The following OAS1 variants were observed in gnomAD, a reference collection of about 807,000 sequenced individuals.
The protein encoded by OAS1 is 2'-5'-oligoadenylate synthetase 1.
In OAS1, 24 loss-of-function variants were observed where a neutral mutation model predicts 38.5. The ratio of observed to expected loss-of-function variants is 0.62; its 90% CI spans 0.45 to 0.88. The LOEUF is 0.88. Ranked by LOEUF, OAS1 falls within the 40% of genes least tolerant of loss-of-function variation. The probability of loss-of-function intolerance (pLI) is 0.00; values close to 1 mark genes in which losing one functional copy is unlikely to be tolerated. For missense variants in OAS1, 482 were observed against 493.9 expected (o/e 0.98, Z 0.23); for synonymous variants, 169 against 193.9 (o/e 0.87, Z 1.07).
intron 2 of OAS1, among the ~76,000 whole-genome samples, chr12:112,910,383 G>C (rs183955886): frequency 1.3e-5 from 2 of 152,026 alleles, no homozygotes; most frequent in Admixed American, 1.3e-4. Context: ...AAAGAAAAAA[G>C]AAAAGAATAT....
In OAS1 at chr12:112,908,786, G is replaced by T. The variant is rs1421525386; in HGVS notation, c.431G>T (p.Gly144Val). ...CTGAGTTCGCTCCAGCTCGGGGAGG[G>T]GGTGGAGTTCGATGTGCTGCCTGCC... ...FVLSSLQLGE[G>V]VEFDVLPAFD... Residue 144 changes from glycine to valine, a missense_variant, in exon 2 of 6, where the codon GGG (glycine) becomes GTG (valine). By Grantham distance (109) the Gly-to-Val change is moderately radical (BLOSUM62 -3). Coordinates refer to ENST00000202917, the MANE Select transcript of OAS1 (RefSeq NM_016816.4). The T allele has an allele frequency of 6.2e-7, 1 of 1,608,178 alleles. No homozygotes were observed. The highest frequency in any genetic ancestry group is 1.1e-5 in the South Asian group (1 of 90,724).
chr12:112,907,209 A>T lies in OAS1; in HGVS notation c.170A>T (p.Lys57Met), dbSNP rs777080728. The change falls in exon 1 of 6, where the codon AAG becomes ATG. Residue 57 changes from lysine (K) to methionine (M), a missense_variant. Transcript: ENST00000202917. ...RGSSYPVCVS[K>M]VVKGGSSGKG... ...AGCTCCTACCCTGTGTGTGTGTCCA[A>T]GGTGGTAAAGGTGAGTCCAGGCCTG... The T allele has an allele frequency of 2.0e-5, 33 of 1,614,108 alleles. No individual in the cohort carries two copies. Among genetic ancestry groups the T allele is most frequent in the Non-Finnish European group, 2.8e-5 (33 of 1,179,982 alleles).
At position 112,931,585 on chromosome 12, in the gene OAS1, C is replaced by T. The variant is rs114442482; in HGVS notation, c.1168-293C>T. 2.6e-3 allele frequency among the ~76,000 whole-genome samples: 401 copies of T among 152,300 alleles called. 2 individuals carry two copies. Among genetic ancestry groups the T allele is most frequent in the African/African-American group, 8.3e-3 (343 of 41,574 alleles). ...ATGAGGAAACAGGCTCAGAAGAGGG[C>T]GCTCATTTGCTCATGTGGTACAGAT... On this transcript the variant is annotated intron_variant, in intron 6 of 6. Transcript: ENST00000540589.
At chr12:112,922,481 C>T (rs575472237), downstream of OAS1, among the ~76,000 whole-genome samples, 2 of 152,250 alleles carry the variant, frequency 1.3e-5, no homozygotes, top group South Asian at 4.2e-4. Flanking sequence ...CCCCTGGCTG[C>T]CCCTCCAACC....
intron 4 of OAS1, 150 bp downstream of exon 4, chr12:112,916,888 A>G: frequency 1.5e-6 from 1 of 649,996 alleles, no homozygotes; most frequent in Non-Finnish European, 2.7e-6. Flanking sequence ...TACTACTGCC[A>G]TCTGTTTTAA....
intron 6 of OAS1, among the ~76,000 whole-genome samples, chr12:112,928,923 G>A (rs1454256290): frequency 6.6e-6 from 1 of 152,216 alleles, no homozygotes. Flanking sequence ...GGGAGAGGGT[G>A]TGTTTATGGA....
In OAS1 at chr12:112,919,842, C is replaced by G. The variant is rs934091121; in HGVS notation, c.*289C>G. 7 of 1,024,404 alleles carry G rather than the reference C, an allele frequency of 6.8e-6. No individual in the cohort carries two copies. In the African/African-American group the frequency reaches 1.1e-4, roughly 17 times the overall value. 63.5% of individuals were successfully genotyped at this position (1,024,404 alleles called of 1,614,324 possible). A position where few individuals can be genotyped will look rare whatever the true frequency, so the allele number is the denominator to read the frequency against. On this transcript the variant is annotated 3_prime_UTR_variant, in exon 6 of 6. Transcript: ENST00000202917. Reference sequence around the variant, plus strand: ...ATTCCAGCCTTGACTTTCTTCTGTGCACCTGATGGGAGGGTAATGTCTAAT... The same window carrying G: ...ATTCCAGCCTTGACTTTCTTCTGTGGACCTGATGGGAGGGTAATGTCTAAT...
rs1019078283 is a variant in OAS1, at chr12:112,916,456, T to C, written c.655-53T>C. 3.5e-6 allele frequency: 5 copies of C among 1,429,878 alleles called. No homozygotes were observed. In the African/African-American group the frequency reaches 7.0e-5, roughly 20 times the overall value. The allele number at this position is 1,429,878 out of a possible 1,614,324, so 88.6% of individuals were successfully genotyped here. On this transcript the variant is annotated intron_variant, in intron 3 of 5. Coordinates refer to ENST00000202917, the MANE Select transcript of OAS1 (RefSeq NM_016816.4). Reference sequence around the variant, plus strand: ...GATTTGGCCCATGAGAAGTGTAGTTTACACAAAAGTTGAGCAAACCAATTT... The same window carrying C: ...GATTTGGCCCATGAGAAGTGTAGTTCACACAAAAGTTGAGCAAACCAATTT...
downstream of OAS1, chr12:112,932,783 A>G (rs1239210865): frequency 6.6e-6 from 1 of 152,232 alleles, no homozygotes; most frequent in Non-Finnish European, 1.5e-5. Context: ...AAGTCACACA[A>G]CTGGTGAGTG....
chr12:112,909,525 G>A (rs965037078), intron 2 of OAS1, among the ~76,000 whole-genome samples: 1 of 152,136 alleles, frequency 6.6e-6, no homozygotes. Context: ...GCCAAGTGTG[G>A]TGGTACATGC....
Position 112,908,778 on chromosome 12 carries a change from C to G in OAS1, c.423C>G (p.Leu141=), listed in dbSNP as rs757789086. 1.2e-6 allele frequency: 2 copies of G among 1,609,332 alleles called. No homozygotes were observed. Among genetic ancestry groups the G allele is most frequent in the South Asian group, 2.2e-5 (2 of 90,792 alleles). ...GCTTCGTACTGAGTTCGCTCCAGCT[C>G]GGGGAGGGGGTGGAGTTCGATGTGC... is the stretch of plus-strand genomic sequence containing the variant. ...ALSFVLSSLQ[L]GEGVEFDVLP... Residue 141 remains leucine (L), a synonymous_variant, in exon 2 of 6, where the codon CTC becomes CTG. Transcript: ENST00000202917.
At position 112,916,555 on chromosome 12, in the gene OAS1, T is replaced by C; in HGVS notation, c.701T>C (p.Leu234Pro). Residue 234 changes from leucine to proline, a missense_variant, in exon 4 of 6, where the codon CTC becomes CCC. Coordinates refer to ENST00000202917, the MANE Select transcript of OAS1 (RefSeq NM_016816.4). ...GKLPPQYALELLTVYAWERGS... is the reference protein window; with the variant it reads ...GKLPPQYALEPLTVYAWERGS... ...CTGCCACCTCAGTATGCCCTGGAGC[T>C]CCTGACGGTCTATGCTTGGGAGCGA... The C allele has an allele frequency of 6.2e-7, 1 of 1,614,060 alleles. No homozygotes were observed.
chr12:112,927,988 C>T (rs2136333775), intron 6 of OAS1, among the ~76,000 whole-genome samples: 1 of 152,308 alleles, frequency 6.6e-6, no homozygotes, highest in African/African-American at 2.4e-5. Flanking sequence ...ACTGTGGATG[C>T]CTGTCCCTCT....
chr12:112,911,254 G>T lies in OAS1; in HGVS notation c.654+19G>T, dbSNP rs1275406122. On this transcript the variant is annotated intron_variant, in intron 3 of 5. Coordinates refer to ENST00000202917, the MANE Select transcript of OAS1 (RefSeq NM_016816.4). ...CCAAAATGTATGGCCCTCCCACCAG[G>T]CCTGGTGGGTCCTGTCTCGACTGGG... The T allele has an allele frequency of 6.2e-7, 1 of 1,601,624 alleles. No individual in the cohort carries two copies. Among genetic ancestry groups the T allele is most frequent in the African/African-American group, 1.3e-5 (1 of 74,268 alleles).
At chr12:112,928,127 T>G (rs2043571950) in intron 6 of OAS1, among the ~76,000 whole-genome samples, 1 of 152,220 alleles carries the variant, frequency 6.6e-6, no homozygotes, top group Non-Finnish European at 1.5e-5. Flanking sequence ...TTCTGCTAAC[T>G]CAGCTAATAG....
chr12:112,908,163 G>A (rs563814366), intron 1 of OAS1, among the ~76,000 whole-genome samples: 7 of 152,266 alleles, frequency 4.6e-5, no homozygotes, highest in South Asian at 4.1e-4. Flanking sequence ...TCATAGGGCC[G>A]TGTAGATTAA....
chr12:112,919,490 C>T lies in OAS1; in HGVS notation c.1140C>T (p.Pro380=), dbSNP rs375598557. 31 of 1,614,094 alleles carry T rather than the reference C, an allele frequency of 1.9e-5. No individual in the cohort carries two copies. The Middle Eastern group carries it at 6.6e-4, about 34-fold the overall frequency. ...AGTACCCTCATTTCTCTCATAGACC[C>T]AGCACACTCCAGGCAGCATCCACCC... ...THEYPHFSHR[P]STLQAASTPQ... is the part of the protein sequence containing the mutation. The change falls in exon 6 of 6, where the codon CCC becomes CCT. Residue 380 remains proline (P), a synonymous_variant. Transcript: ENST00000202917.
At chr12:112,925,386 G>T (rs561497971) in intron 6 of OAS1, among the ~76,000 whole-genome samples, 78 of 152,142 alleles carry the variant, frequency 5.1e-4, no homozygotes, top group African/African-American at 1.7e-3. Context: ...GGCCAGTATT[G>T]CCCCTCCCCA....
At chr12:112,911,753 ACACGG>A (rs2043386717) in intron 3 of OAS1, among the ~76,000 whole-genome samples, 1 of 152,206 alleles carries the variant, frequency 6.6e-6, no homozygotes, top group South Asian at 2.1e-4. Flanking sequence ...AGCTAGAGTA[ACACGG>A]CATATAGTTG....
Sources: allele counts gnomAD v4.1 joint callset (sites outside exome capture counted in the v4.1 genomes callset), GRCh38; gene constraint gnomAD v4.1.1; transcripts MANE v1.5; gene names NCBI Gene and HGNC (gene_info 2026-07-23, HGNC 2026-07-21).